CNTN3: variants seen among roughly 807,000 people sequenced by gnomAD.
CNTN3 encodes contactin 3.
CNTN3 carries 60 observed loss-of-function variants against 119.1 expected under a neutral mutation model. That is an observed-to-expected ratio of 0.50 (90% CI 0.41 to 0.62). CNTN3 has a LOEUF of 0.62. Ranked by LOEUF, CNTN3 falls within the 20% of genes least tolerant of loss-of-function variation. The probability of loss-of-function intolerance (pLI) is 0.00; values close to 1 mark genes in which losing one functional copy is unlikely to be tolerated. For synonymous variants in CNTN3, 450 were observed against 438.7 expected (o/e 1.03, Z -0.32); for missense variants, 1,101 against 1,242.4 (o/e 0.89, Z 1.71).
intron 4 of CNTN3, among the ~76,000 whole-genome samples, chr3:74,448,072 T>A (rs1372433933): frequency 6.6e-6 from 1 of 152,154 alleles, no homozygotes; most frequent in Admixed American, 6.6e-5. Flanking sequence ...TTCTATGCTA[T>A]GTGCAGCAGA....
At chr3:74,429,985 G>T (rs1464979681) in intron 4 of CNTN3, among the ~76,000 whole-genome samples, 1 of 152,174 alleles carries the variant, frequency 6.6e-6, no homozygotes, top group Non-Finnish European at 1.5e-5. Context: ...AACAGTGACA[G>T]CACTAAATCT....
intron 1 of CNTN3, among the ~76,000 whole-genome samples, chr3:74,565,546 T>C (rs1422010129): frequency 6.6e-6 from 1 of 152,142 alleles, no homozygotes; most frequent in Non-Finnish European, 1.5e-5. Flanking sequence ...ATTCATAGGT[T>C]CCAGTGATGA....
intron 13 of CNTN3, among the ~76,000 whole-genome samples, chr3:74,320,712 A>T (rs1471648090): frequency 2.0e-5 from 3 of 152,208 alleles, no homozygotes; most frequent in Non-Finnish European, 4.4e-5. Flanking sequence ...ATCCAACTTC[A>T]TGAAGACGTC....
intron 20 of CNTN3, among the ~76,000 whole-genome samples, chr3:74,275,236 T>C (rs1176683322): frequency 6.6e-6 from 1 of 152,110 alleles, no homozygotes; most frequent in African/African-American, 2.4e-5. Flanking sequence ...GGGGGAATAA[T>C]CAAGGAAAAC....
chr3:74,543,497 A>G (rs895968224), intron 1 of CNTN3, among the ~76,000 whole-genome samples: 2 of 152,230 alleles, frequency 1.3e-5, no homozygotes, highest in African/African-American at 2.4e-5. Context: ...ATGAAAATAC[A>G]GATTAATAGG....
At chr3:74,565,927 T>C (rs1439720380) in intron 1 of CNTN3, among the ~76,000 whole-genome samples, 3 of 152,102 alleles carry the variant, frequency 2.0e-5, no homozygotes, top group Admixed American at 6.6e-5. Context: ...GTCTTTTCCA[T>C]GCTGTTCTTG....
chr3:74,332,513 C>T (rs1235161111), intron 13 of CNTN3, among the ~76,000 whole-genome samples: 1 of 152,174 alleles, frequency 6.6e-6, no homozygotes, highest in Non-Finnish European at 1.5e-5. Flanking sequence ...CCTATCAGTG[C>T]TATGTAAATC....
At chr3:74,354,639 A>C (rs745959063) in intron 11 of CNTN3, among the ~76,000 whole-genome samples, 16 of 152,116 alleles carry the variant, frequency 1.1e-4, no homozygotes, top group Non-Finnish European at 2.2e-4. Context: ...TTATTCCAAA[A>C]TGTTTCTTGC....
chr3:74,472,075 T>C (rs1486558083), intron 4 of CNTN3, among the ~76,000 whole-genome samples: 1 of 152,190 alleles, frequency 6.6e-6, no homozygotes, highest in Non-Finnish European at 1.5e-5. Flanking sequence ...TTATGTCTGG[T>C]GGCTATGCTA....
In CNTN3 at chr3:74,444,951, T is replaced by A. The variant is rs1441383120; in HGVS notation, c.359-20011A>T. ...AATCTCTTCCCCACAATGCCACACA[T>A]CCTAATATGAAAAGATGGTAAAAAT... On this transcript the variant is annotated intron_variant, in intron 4 of 22. Transcript: ENST00000263665. 3.9e-5 allele frequency among the ~76,000 whole-genome samples: 6 copies of A among 152,276 alleles called. 1 individual carries two copies. The highest frequency in any genetic ancestry group is 1.3e-4 in the Admixed American group (2 of 15,292).
rs115622471 is a variant in CNTN3 at position 74,389,699 on chromosome 3, A to G, written c.455-18300T>C. On this transcript the variant is annotated intron_variant, in intron 5 of 22. Coordinates refer to ENST00000263665, the MANE Select transcript of CNTN3 (RefSeq NM_020872.3). Reference sequence around the variant, plus strand: ...ATAAAGGTGACAGATCTCAGGCATAATAAGTGGGGGAAGCAGGGTCTGAAC... The same window carrying G: ...ATAAAGGTGACAGATCTCAGGCATAGTAAGTGGGGGAAGCAGGGTCTGAAC... Among the ~76,000 whole-genome samples, 948 of 152,212 alleles carry G rather than the reference A, an allele frequency of 6.2e-3. 14 individuals are homozygous for G. Among genetic ancestry groups the G allele is most frequent in the African/African-American group, 0.021 (874 of 41,546 alleles).
At chr3:74,317,063 T>C (rs1358974095) in intron 13 of CNTN3, among the ~76,000 whole-genome samples, 8 of 151,614 alleles carry the variant, frequency 5.3e-5, no homozygotes, top group African/African-American at 1.9e-4. Context: ...GCTCTTCTTG[T>C]TGAATTGATC....
rs554676317 is a variant in CNTN3, at chr3:74,504,771, A to C, written c.56-4986T>G. Among the ~76,000 whole-genome samples, 767 of 109,816 alleles carry C rather than the reference A, an allele frequency of 7.0e-3. 9 individuals are homozygous for C. The highest frequency in any genetic ancestry group is 0.022 in the African/African-American group (737 of 32,958). 72.0% of individuals were successfully genotyped at this position (109,816 alleles called of 152,430 possible). A position where few individuals can be genotyped will look rare whatever the true frequency, so the allele number is the denominator to read the frequency against. ...ACTGAAAGCTCCAGAGATACTTTCC[A>C]CAACTCTTTGTCATTCTCGGCTGGG... On this transcript the variant is annotated intron_variant, in intron 2 of 22. Coordinates refer to ENST00000263665, the MANE Select transcript of CNTN3 (RefSeq NM_020872.3).
chr3:74,266,610 G>A lies in CNTN3; in HGVS notation c.2857C>T (p.Leu953=). The change falls in exon 22 of 23, where the codon CTG becomes TTG. Residue 953 remains leucine (L), a synonymous_variant. Transcript: ENST00000263665. ...TCAGCTGAAGTTTTATTTGTGTTCA[G>A]TACTTGTACGTTATTTTGACTGCTA... ...RTSSQNNVQV[L]NTNKTSAELV... 1 of 1,613,398 alleles carries A rather than the reference G, an allele frequency of 6.2e-7. No homozygotes were observed. The highest frequency in any genetic ancestry group is 8.5e-7 in the Non-Finnish European group (1 of 1,179,528).
chr3:74,333,815 T>G (rs1348550817), intron 13 of CNTN3, among the ~76,000 whole-genome samples: 1 of 152,216 alleles, frequency 6.6e-6, no homozygotes, highest in Non-Finnish European at 1.5e-5. Flanking sequence ...GAAGTCTTTG[T>G]CAAATGAACA....
chr3:74,284,716 T>C (rs749845075), intron 20 of CNTN3, among the ~76,000 whole-genome samples: 1 of 152,218 alleles, frequency 6.6e-6, no homozygotes, highest in African/African-American at 2.4e-5. Context: ...TGTAGACTAA[T>C]ATAATTGTAA....
At chr3:74,323,033 C>G (rs558992460) in intron 13 of CNTN3, among the ~76,000 whole-genome samples, 2 of 152,192 alleles carry the variant, frequency 1.3e-5, no homozygotes, top group South Asian at 2.1e-4. Context: ...ATTTTTAGGG[C>G]GGTGAAGCTA....
chr3:74,466,958 T>C (rs1477416268), intron 4 of CNTN3, among the ~76,000 whole-genome samples: 2 of 152,144 alleles, frequency 1.3e-5, no homozygotes, highest in Non-Finnish European at 2.9e-5. Context: ...GTGTTCTCTA[T>C]GGGAAATTTT....
intron 19 of CNTN3, among the ~76,000 whole-genome samples, chr3:74,287,111 G>T (rs377699451): frequency 6.6e-6 from 1 of 152,096 alleles, no homozygotes; most frequent in East Asian, 1.9e-4. Context: ...GCAGAGATTC[G>T]CCAGGCTTCG....
Sources: allele counts gnomAD v4.1 joint callset (sites outside exome capture counted in the v4.1 genomes callset), GRCh38; gene constraint gnomAD v4.1.1; transcripts MANE v1.5; gene names NCBI Gene and HGNC (gene_info 2026-07-23, HGNC 2026-07-21).